The following PCDHGB3 variants were observed in gnomAD, a reference collection of about 807,000 sequenced individuals.
PCDHGB3 encodes the protein protocadherin gamma subfamily B, 3.
A neutral mutation model predicts 59.2 loss-of-function variants in PCDHGB3; 40 were observed. The observed-to-expected ratio is 0.68, with a 90% CI of 0.52 to 0.88. The LOEUF is 0.88. Among genes scored for constraint, PCDHGB3 ranks in the 40% least tolerant of loss-of-function variants. The probability of loss-of-function intolerance (pLI) is 0.00; values close to 1 mark genes in which losing one functional copy is unlikely to be tolerated. For missense variants in PCDHGB3, 1,309 were observed against 1,187.9 expected, an observed-to-expected ratio of 1.10 and a Z score of -1.50; for synonymous variants, 581 against 503.6, an observed-to-expected ratio of 1.15 and a Z score of -2.06.
intron 1 of PCDHGB3, chr5:141,409,578 T>A: frequency 6.2e-7 from 1 of 1,613,942 alleles, no homozygotes. Context: ...TCCTACGTGG[T>A]CCACGTGGCC....
intron 1 of PCDHGB3, chr5:141,408,127 G>A (rs1017651550): frequency 2.0e-6 from 3 of 1,480,258 alleles, no homozygotes; most frequent in African/African-American, 2.8e-5. Context: ...GTCCTGGGCC[G>A]AATGCTCTTT....
chr5:141,371,217 GC>G lies in PCDHGB3; in HGVS notation c.825del (p.Glu276LysfsTer13), dbSNP rs1377737380. 6.2e-7 allele frequency: 1 copy of G among 1,613,922 alleles called. No homozygotes were observed. Among genetic ancestry groups the G allele is most frequent in the African/African-American group, 1.3e-5 (1 of 74,952 alleles). On this transcript the variant is annotated frameshift_variant, in exon 1 of 4. Coordinates refer to ENST00000576222, the MANE Select transcript of PCDHGB3 (RefSeq NM_018924.5). LOFTEE classifies it high-confidence loss of function. ...CATTGACATGGATGAGGGCATCAAT[GC>G]CGAAATCATCTATGCCTTCATCAAT... ...MAIDMDEGINAEIIYAFINIG... is the reference protein window; with the variant it reads ...MAIDMDEGINXEIIYAFINIG...
chr5:141,388,341 A>G, intron 1 of PCDHGB3: 1 of 1,614,036 alleles, frequency 6.2e-7, no homozygotes, highest in Non-Finnish European at 8.5e-7. Flanking sequence ...CACACGATTT[A>G]TATTAGGATC....
intron 1 of PCDHGB3, among the ~76,000 whole-genome samples, chr5:141,433,837 CAA>C (rs56191208): frequency 1.4e-4 from 16 of 111,664 alleles, no homozygotes; most frequent in Non-Finnish European, 1.2e-4. Context: ...AACTCTATCT[CAA>C]AAAAAAAAAA....
chr5:141,370,508 C>A lies in PCDHGB3; in HGVS notation c.114C>A (p.Pro38=). 6.2e-7 allele frequency: 1 copy of A among 1,613,908 alleles called. No homozygotes were observed. The change falls in exon 1 of 4, where the codon CCC becomes CCA. Residue 38 remains proline, a synonymous_variant. Transcript: ENST00000576222. ...CCGAACCGATCCGCTACGCTATTCC[C>A]GAGGAGCTGGACAGGGGCTCGCTGG... ...ALSEPIRYAI[P]EELDRGSLVG... is the part of the protein sequence containing the mutation.
chr5:141,399,519 G>A (rs1467117930), intron 1 of PCDHGB3: 2 of 1,614,036 alleles, frequency 1.2e-6, no homozygotes, highest in Non-Finnish European at 1.7e-6. Context: ...ACCCTCCTGG[G>A]GCCTCCATCG....
In PCDHGB3 at chr5:141,384,747, CTT is replaced by C. The variant is rs1040265836; in HGVS notation, c.2415+11940_2415+11941del. Reference sequence around the variant, plus strand: ...TGCTTAAGGCCAGCGAGCCAGGACTCTTTGCGGTTGGGCTGTACACGGGCGAG... The same window carrying C: ...TGCTTAAGGCCAGCGAGCCAGGACTCTGCGGTTGGGCTGTACACGGGCGAG... On this transcript the variant is annotated intron_variant, in intron 1 of 3. Coordinates refer to ENST00000576222, the MANE Select transcript of PCDHGB3 (RefSeq NM_018924.5). 2.2e-5 allele frequency: 35 copies of C among 1,614,060 alleles called. No individual in the cohort carries two copies. In the Admixed American group the frequency reaches 3.5e-4, roughly 16 times the overall value.
At chr5:141,408,851 G>A in intron 1 of PCDHGB3, 1 of 1,613,574 alleles carries the variant, frequency 6.2e-7, no homozygotes, top group Non-Finnish European at 8.5e-7. Context: ...TGCCTTGGAC[G>A]GAGGGGACCC....
rs772000812 is a variant in PCDHGB3, at chr5:141,478,304, C to T, written c.2416-16503C>T. The T allele has an allele frequency of 8.1e-6, 13 of 1,614,108 alleles. No individual in the cohort carries two copies. In the Middle Eastern group the frequency reaches 1.2e-3, roughly 143 times the overall value. On this transcript the variant is annotated intron_variant, in intron 1 of 3. Coordinates refer to ENST00000576222, the MANE Select transcript of PCDHGB3 (RefSeq NM_018924.5). The stretch of plus-strand genomic sequence containing the variant: ...GCAGTCTAGAGACCTATACCGAGCC[C>T]CGGTGAGCTCACTGTACCGAACACC...
intron 1 of PCDHGB3, chr5:141,427,984 C>T (rs754620535): frequency 1.9e-6 from 3 of 1,597,494 alleles, no homozygotes; most frequent in South Asian, 1.1e-5. Context: ...GCGCTGGGGC[C>T]CGATGGCTCC....
chr5:141,398,787 A>G, intron 1 of PCDHGB3: 2 of 1,613,902 alleles, frequency 1.2e-6, no homozygotes, highest in Non-Finnish European at 1.7e-6. Flanking sequence ...GTGGACATCC[A>G]CCCCTAAGCG....
intron 1 of PCDHGB3, chr5:141,420,333 A>G (rs778366534): frequency 2.1e-6 from 3 of 1,402,720 alleles, no homozygotes; most frequent in Non-Finnish European, 2.9e-6. Flanking sequence ...ATATATTCCA[A>G]TATAGTGGTA....
At chr5:141,404,224 AAC>A (rs1416261372) in intron 1 of PCDHGB3, 1 of 1,613,704 alleles carries the variant, frequency 6.2e-7, no homozygotes, top group Non-Finnish European at 8.5e-7. Flanking sequence ...CGGTGACTGC[AAC>A]AGACAGAGGA....
At chr5:141,373,229 A>C (rs941177727) in intron 1 of PCDHGB3, among the ~76,000 whole-genome samples, 5 of 152,240 alleles carry the variant, frequency 3.3e-5, no homozygotes, top group Non-Finnish European at 7.3e-5. Flanking sequence ...CCTGTATATA[A>C]TATTTTTACT....
In PCDHGB3 at chr5:141,491,679, T is replaced by G. The variant is rs111288145; in HGVS notation, c.2416-3128T>G. 1 of 1,613,496 alleles carries G rather than the reference T, an allele frequency of 6.2e-7. No individual in the cohort carries two copies. Among genetic ancestry groups the G allele is most frequent in the Non-Finnish European group, 8.5e-7 (1 of 1,179,828 alleles). On this transcript the variant is annotated intron_variant, in intron 1 of 3. Coordinates refer to ENST00000576222, the MANE Select transcript of PCDHGB3 (RefSeq NM_018924.5). The surrounding 1 kb of genome is among the most constrained non-coding windows in gnomAD (Gnocchi z 6.9). ...CTGACGCCATCCGGTCCCGCTCTAA[T>G]ACGCTGCGGGAGCGGAGCCAGGTGA...
intron 1 of PCDHGB3, among the ~76,000 whole-genome samples, chr5:141,462,459 CTG>C (rs2099040203): frequency 6.6e-6 from 1 of 152,010 alleles, no homozygotes; most frequent in African/African-American, 2.4e-5. Flanking sequence ...TAACTGAAAA[CTG>C]TGTATTCTGC....
At position 141,491,605 on chromosome 5, in the gene PCDHGB3, T is replaced by C; in HGVS notation, c.2416-3202T>C. On this transcript the variant is annotated intron_variant, in intron 1 of 3. Coordinates refer to ENST00000576222, the MANE Select transcript of PCDHGB3 (RefSeq NM_018924.5). This position sits in a 1 kb window ranked among gnomAD's most constrained non-coding sequence, Gnocchi z 6.9. Reference sequence around the variant, plus strand: ...GGCCTCGGACGGCAGTGACTTCACTTTTCTAAGACCCCTCAGCGTTCAGCA... The same window carrying C: ...GGCCTCGGACGGCAGTGACTTCACTCTTCTAAGACCCCTCAGCGTTCAGCA... 6.2e-7 allele frequency: 1 copy of C among 1,613,868 alleles called. No individual in the cohort carries two copies. Among genetic ancestry groups the C allele is most frequent in the East Asian group, 2.2e-5 (1 of 44,858 alleles).
intron 1 of PCDHGB3, chr5:141,421,232 C>T (rs748347420): frequency 2.5e-6 from 4 of 1,590,252 alleles, no homozygotes; most frequent in African/African-American, 2.7e-5. Flanking sequence ...CCTGCCATGG[C>T]GAATCGGCTA....
chr5:141,394,083 G>T, intron 1 of PCDHGB3: 1 of 1,613,826 alleles, frequency 6.2e-7, no homozygotes, highest in Non-Finnish European at 8.5e-7. Flanking sequence ...CACAGTGATG[G>T]CCTCAGATCT....
Sources: allele counts gnomAD v4.1 joint callset (sites outside exome capture counted in the v4.1 genomes callset), GRCh38; gene constraint gnomAD v4.1.1; non-coding constraint Gnocchi (gnomAD v3.1); transcripts MANE v1.5; gene names NCBI Gene and HGNC (gene_info 2026-07-23, HGNC 2026-07-21).